PSG6: variants seen among roughly 807,000 people sequenced by gnomAD.
PSG6 encodes the protein pregnancy-specific beta-1-glycoprotein 6.
Under a neutral mutation model 43.3 loss-of-function variants are expected in PSG6, and 51 were observed. The observed-to-expected ratio is 1.18, with a 90% CI of 0.94 to 1.49. PSG6 has a LOEUF of 1.49. Ranked by LOEUF, PSG6 falls within the 40% of genes most tolerant of loss-of-function variation. PSG6 has a pLI of 0.00. For synonymous variants in PSG6, 292 were observed against 197.6 expected (o/e 1.48, Z -4.01); for missense variants, 770 against 522.2 (o/e 1.47, Z -4.62).
intron 3 of PSG6, 149 bp downstream of exon 3, chr19:42,910,431 G>C (rs201089523): frequency 5.7e-6 from 9 of 1,590,170 alleles, no homozygotes; most frequent in Non-Finnish European, 6.9e-6. Flanking sequence ...GCCTACTCTG[G>C]TTTGCCTGGA....
Position 42,917,775 on chromosome 19 carries a change from G to T in PSG6, c.18C>A (p.Ala6=), listed in dbSNP as rs1972366908. The T allele has an allele frequency of 6.2e-7, 1 of 1,610,100 alleles. No individual in the cohort carries two copies. The highest frequency in any genetic ancestry group is 8.5e-7 in the Non-Finnish European group (1 of 1,177,886). The change falls in exon 1 of 6, where the codon GCC becomes GCA. Residue 6 remains alanine, a synonymous_variant. Transcript: ENST00000187910. Reference sequence around the variant, plus strand: ...AGGTGATGTGCTGAGTGCAGGGAGGGGCTGAGAGGGGTCCCATGGTCTCTG... The same window carrying T: ...AGGTGATGTGCTGAGTGCAGGGAGGTGCTGAGAGGGGTCCCATGGTCTCTG... MGPLS[A]PPCTQHITWK...
intron 2 of PSG6, 56 bp from the exon 3 acceptor site, chr19:42,910,914 G>T (rs1345268039): frequency 6.5e-7 from 1 of 1,544,984 alleles, no homozygotes; most frequent in Non-Finnish European, 8.7e-7. Context: ...TTCCTCCAAA[G>T]GCATTTTTCA....
At chr19:42,910,251 C>G in intron 3 of PSG6, 1 of 521,872 alleles carries the variant, frequency 1.9e-6, no homozygotes, top group Non-Finnish European at 3.4e-6. Context: ...GGGACACAGT[C>G]ACAGTGACCC....
chr19:42,914,864 G>A lies in PSG6; in HGVS notation c.427+1261C>T, dbSNP rs188646993. 1.5e-3 allele frequency among the ~76,000 whole-genome samples: 186 copies of A among 125,610 alleles called. 6 individuals are homozygous for A. The highest frequency in any genetic ancestry group is 1.6e-4 in the Non-Finnish European group (10 of 62,534). The allele number at this position is 125,610 out of a possible 152,430, so 82.4% of individuals were successfully genotyped here. A position where few individuals can be genotyped will look rare whatever the true frequency, so the allele number is the denominator to read the frequency against. ...TTGATCCTCTCATGACGGTGACATG[G>A]ACACTTGGGAAACACAGGATTTCAC... On this transcript the variant is annotated intron_variant, in intron 2 of 5. Coordinates refer to ENST00000187910, the MANE Select transcript of PSG6 (RefSeq NM_001031850.4).
chr19:42,907,868 A>G lies in PSG6; in HGVS notation c.707-14T>C. ...TGGGCAGCTTCGCTGTGTGGATAAC[A>G]GAAGATTGTCCTGTGTGGCACCTTT... On this transcript the variant is annotated splice_polypyrimidine_tract_variant and intron_variant, in intron 3 of 5. Coordinates refer to ENST00000187910, the MANE Select transcript of PSG6 (RefSeq NM_001031850.4). 2 of 1,599,938 alleles carry G rather than the reference A, an allele frequency of 1.3e-6. No individual in the cohort carries two copies. Among genetic ancestry groups the G allele is most frequent in the Non-Finnish European group, 1.7e-6 (2 of 1,178,414 alleles).
At chr19:42,913,297 A>C (rs1237833231) in intron 2 of PSG6, among the ~76,000 whole-genome samples, 4 of 151,428 alleles carry the variant, frequency 2.6e-5, no homozygotes, top group Admixed American at 1.3e-4. Flanking sequence ...ACTACAGGTG[A>C]CCACCACCAT....
intron 1 of PSG6, 94 bp from the exon 2 acceptor site, chr19:42,916,581 C>T: frequency 3.4e-6 from 5 of 1,480,114 alleles, no homozygotes; most frequent in African/African-American, 2.8e-5. Flanking sequence ...CTTCAATCAT[C>T]AGCCTTGAAG....
chr19:42,907,512 C>G lies in PSG6; in HGVS notation c.985+64G>C, dbSNP rs114899097. 1,316 of 1,599,624 alleles carry G rather than the reference C, an allele frequency of 8.2e-4. 33 individuals are homozygous for G. In the African/African-American group the frequency reaches 0.016, roughly 19 times the overall value. On this transcript the variant is annotated intron_variant, in intron 4 of 5. Coordinates refer to ENST00000187910, the MANE Select transcript of PSG6 (RefSeq NM_001031850.4). ...TTGGACCGGAGAGAGACTGAGAGGC[C>G]TGGCCTCTGGTCGTTTGGAGTTAAG...
In PSG6 at chr19:42,910,907, C is replaced by T. The variant is rs182945458; in HGVS notation, c.428-49G>A. The T allele has an allele frequency of 9.2e-4, 1,431 of 1,549,922 alleles. 31 individuals carry two copies. In the African/African-American group the frequency reaches 0.011, roughly 12 times the overall value. On this transcript the variant is annotated intron_variant, in intron 2 of 5. Transcript: ENST00000187910. ...TTGCCCTGTGTGGCACCTTTGATTC[C>T]TCCAAAGGCATTTTTCAATCAGAGT...
At position 42,916,302 on chromosome 19, in the gene PSG6, C is replaced by G. The variant is rs149820268; in HGVS notation, c.250G>C (p.Val84Leu). ...DLYHYITSYV[V>L]HGQIIYGPAY... ...GGCCCATATATAATTTGACCGTGTA[C>G]TACATATGATGTAATGTAATGGTAG... The change falls in exon 2 of 6, where the codon GTA becomes CTA. Residue 84 changes from valine to leucine, a missense_variant. Val to Leu is a conservative substitution (Grantham distance 32, BLOSUM62 1). Coordinates refer to ENST00000187910, the MANE Select transcript of PSG6 (RefSeq NM_001031850.4). 1.2e-6 allele frequency: 2 copies of G among 1,612,152 alleles called. No individual in the cohort carries two copies. The highest frequency in any genetic ancestry group is 1.7e-6 in the Non-Finnish European group (2 of 1,179,098).
At position 42,916,311 on chromosome 19, in the gene PSG6, A is replaced by G; in HGVS notation, c.241T>C (p.Ser81Pro). The G allele has an allele frequency of 6.2e-7, 1 of 1,611,992 alleles. No homozygotes were observed. Among genetic ancestry groups the G allele is most frequent in the Admixed American group, 1.7e-5 (1 of 59,858 alleles). Residue 81 changes from serine (S) to proline (P), a missense_variant, in exon 2 of 6, where the codon TCA becomes CCA. By Grantham distance (74) the Ser-to-Pro change is moderately conservative. Coordinates refer to ENST00000187910, the MANE Select transcript of PSG6 (RefSeq NM_001031850.4). The part of the protein sequence containing the change: ...QMTDLYHYIT[S>P]YVVHGQIIYG... ...ATAATTTGACCGTGTACTACATATG[A>G]TGTAATGTAATGGTAGAGGTCCGTC...
chr19:42,902,797 G>A (rs1413215823), intron 5 of PSG6, among the ~76,000 whole-genome samples: 2 of 151,504 alleles, frequency 1.3e-5, no homozygotes, highest in African/African-American at 2.4e-5. Context: ...ATGCATCTCA[G>A]TTGGTAAAAA....
rs563490095 is a variant in PSG6, at chr19:42,906,333, G to A, written c.1240+589C>T. Among the ~76,000 whole-genome samples the A allele has an allele frequency of 1.3e-4, 20 of 151,630 alleles. No individual in the cohort carries two copies. The South Asian group carries it at 2.7e-3, about 21-fold the overall frequency. ...GAGGCTTGGCTTCAACTGGCAGCTC[G>A]ATTTAGCCAACTTCAGGACAGGCCA... On this transcript the variant is annotated intron_variant, in intron 5 of 5. Transcript: ENST00000187910.
Position 42,916,368 on chromosome 19 carries a change from G to A in PSG6, c.184C>T (p.Leu62Phe), listed in dbSNP as rs1202216179. 1 of 1,612,078 alleles carries A rather than the reference G, an allele frequency of 6.2e-7. No individual in the cohort carries two copies. Among genetic ancestry groups the A allele is most frequent in the Non-Finnish European group, 8.5e-7 (1 of 1,179,152 alleles). Residue 62 changes from leucine to phenylalanine, a missense_variant, in exon 2 of 6, where the codon CTT (leucine) becomes TTT (phenylalanine). By Grantham distance (22) the Leu-to-Phe change is conservative (BLOSUM62 0). Transcript: ENST00000187910. ...CCTTTGTACCAGATGTAGCCAGTAA[G>A]ATTCTGGGGCAAATTGTGGACAAGT... ...LLLVHNLPQN[L>F]TGYIWYKGQM...
At chr19:42,912,724 A>G (rs10424712) in intron 2 of PSG6, among the ~76,000 whole-genome samples, 3,372 of 151,866 alleles carry the variant, frequency 0.022, 166 homozygotes, top group African/African-American at 0.076. Context: ...CACCACTAAA[A>G]TTTAAGTTTG....
At position 42,910,306 on chromosome 19, in the gene PSG6, GT is replaced by G. The variant is rs1972194021; in HGVS notation, c.706+273del. ...CTGAAGTCCCAGCCAAATCCCCGCTGTGTTCACTGATCTGGAGCCTGAGACA... is the reference window on the plus strand; with the variant it reads ...CTGAAGTCCCAGCCAAATCCCCGCTGGTTCACTGATCTGGAGCCTGAGACA... On this transcript the variant is annotated intron_variant, in intron 3 of 5. Coordinates refer to ENST00000187910, the MANE Select transcript of PSG6 (RefSeq NM_001031850.4). 3.6e-6 allele frequency: 3 copies of G among 830,094 alleles called. 1 individual carries two copies. In the South Asian group the frequency reaches 5.6e-5, roughly 16 times the overall value. 51.4% of individuals were successfully genotyped at this position (830,094 alleles called of 1,614,324 possible).
At chr19:42,909,359 T>C (rs898039160) in intron 3 of PSG6, among the ~76,000 whole-genome samples, 20 of 151,526 alleles carry the variant, frequency 1.3e-4, no homozygotes, top group African/African-American at 4.9e-4. Context: ...CCTTTTCTGG[T>C]TGCTTCTTTT....
In PSG6 at chr19:42,907,699, G is replaced by A; in HGVS notation, c.862C>T (p.Pro288Ser). 1.9e-6 allele frequency: 3 copies of A among 1,610,836 alleles called. No homozygotes were observed. The highest frequency in any genetic ancestry group is 2.5e-6 in the Non-Finnish European group (3 of 1,179,084). The change falls in exon 4 of 6, where the codon CCC (proline) becomes TCC (serine). Residue 288 changes from proline to serine, a missense_variant. Physicochemically the swap from Pro to Ser is moderately conservative, Grantham distance 74. Coordinates refer to ENST00000187910, the MANE Select transcript of PSG6 (RefSeq NM_001031850.4). ...AGAATGAGTATCCTGTTTTCAATGGGTCGCTTTACCCTCGGACTGACCGGG... is the reference window on the plus strand; with the variant it reads ...AGAATGAGTATCCTGTTTTCAATGGATCGCTTTACCCTCGGACTGACCGGG... ...SLPVSPRVKR[P>S]IENRILILPS... is the part of the protein sequence containing the mutation.
At chr19:42,902,507 G>A in intron 5 of PSG6, 61 bp from the exon 6 acceptor site, 4 of 1,595,498 alleles carry the variant, frequency 2.5e-6, no homozygotes, top group Non-Finnish European at 3.4e-6. Flanking sequence ...TACAGAGAAA[G>A]CTTCTTTCCC....
Sources: gnomAD v4.1 joint callset for allele counts (sites outside exome capture counted in the v4.1 genomes callset) on GRCh38, gnomAD v4.1.1 for gene constraint, MANE v1.5 for transcripts, NCBI Gene and HGNC (gene_info 2026-07-23, HGNC 2026-07-21) for gene names.